The following CELF2 variants were observed in gnomAD, a reference collection of about 807,000 sequenced individuals.
The protein encoded by CELF2 is CUGBP Elav-like family member 2.
Under a neutral mutation model 62.6 loss-of-function variants are expected in CELF2, and 8 were observed. That is an observed-to-expected ratio of 0.13 (90% CI 0.07 to 0.23). CELF2 has a LOEUF of 0.23. CELF2 is among the 10% of genes least tolerant of loss of function. The pLI, the probability that CELF2 is intolerant of heterozygous loss-of-function variation, is 1.00. For missense variants in CELF2, 333 were observed against 671.0 expected (o/e 0.50, Z 5.56); for synonymous variants, 258 against 250.0 (o/e 1.03, Z -0.30).
At chr10:10,543,487 CA>C in the CELF2 span, among the ~76,000 whole-genome samples, 2 of 152,146 alleles carry the variant, frequency 1.3e-5, no homozygotes, top group African/African-American at 4.8e-5. Context: ...CCAGGAACAT[CA>C]CAGAGAAACT....
intron 2 of CELF2, among the ~76,000 whole-genome samples, chr10:10,978,842 A>C (rs1015915675): frequency 1.4e-4 from 21 of 152,332 alleles, no homozygotes; most frequent in African/African-American, 4.8e-4. Flanking sequence ...GAATACTAGG[A>C]AAATTAACAA....
chr10:11,185,392 A>C (rs988406854), intron 2 of CELF2, among the ~76,000 whole-genome samples: 1 of 152,028 alleles, frequency 6.6e-6, no homozygotes, highest in Non-Finnish European at 1.5e-5. Context: ...GATAAGTCTT[A>C]CTTGGTCATG....
intron 1 of CELF2, among the ~76,000 whole-genome samples, chr10:10,883,713 G>A (rs944274791): frequency 6.6e-6 from 1 of 152,176 alleles, no homozygotes; most frequent in Non-Finnish European, 1.5e-5. Flanking sequence ...CATCTCAAGG[G>A]TGGAAAGTTG....
At chr10:10,734,283 T>C in the CELF2 span, among the ~76,000 whole-genome samples, 3 of 152,176 alleles carry the variant, frequency 2.0e-5, no homozygotes, top group African/African-American at 7.2e-5. Flanking sequence ...ATATTGAGGA[T>C]TGTTGTTAAA....
the CELF2 span, among the ~76,000 whole-genome samples, chr10:10,774,676 G>A: frequency 2.0e-4 from 31 of 152,122 alleles, no homozygotes; most frequent in Non-Finnish European, 4.3e-4. Flanking sequence ...GAGGAAGCCT[G>A]AGCCAATTAA....
At chr10:11,262,926 T>TA (rs1191475633) in intron 5 of CELF2, among the ~76,000 whole-genome samples, 2 of 123,808 alleles carry the variant, frequency 1.6e-5, no homozygotes, top group African/African-American at 5.4e-5. Flanking sequence ...TTCATGCTTT[T>TA]AAAAGTGGCT....
the CELF2 span, among the ~76,000 whole-genome samples, chr10:10,746,797 T>C: frequency 1.3e-5 from 2 of 152,242 alleles, no homozygotes; most frequent in African/African-American, 2.4e-5. Context: ...TTTAAATATC[T>C]TGAATGTACC....
At chr10:10,819,301 G>A (rs932474329) in intron 1 of CELF2, among the ~76,000 whole-genome samples, 3 of 152,126 alleles carry the variant, frequency 2.0e-5, no homozygotes, top group Admixed American at 1.3e-4. Flanking sequence ...GATGTTGATC[G>A]AAAGGGAACC....
chr10:10,902,655 T>C (rs906945833), intron 1 of CELF2, among the ~76,000 whole-genome samples: 5 of 152,000 alleles, frequency 3.3e-5, no homozygotes, highest in African/African-American at 1.2e-4. Flanking sequence ...AGTTGTTAGG[T>C]TGATTTATTA....
chr10:11,178,441 T>C lies in CELF2; in HGVS notation c.271+12759T>C, dbSNP rs543426782. 3.3e-5 allele frequency among the ~76,000 whole-genome samples: 5 copies of C among 152,202 alleles called. No individual in the cohort carries two copies. The highest frequency in any genetic ancestry group is 7.3e-5 in the Non-Finnish European group (5 of 68,032). On this transcript the variant is annotated intron_variant, in intron 2 of 12. Transcript: ENST00000633077. This position sits in a 1 kb window ranked among gnomAD's most constrained non-coding sequence, Gnocchi z 4.3. ...GTGCTTCCGAGAGCCAAGGCTTTGC[T>C]CTAATCTCTGTGAAGGAAGAAAAAG...
chr10:10,830,129 T>C (rs182781425), intron 1 of CELF2, among the ~76,000 whole-genome samples: 1 of 152,138 alleles, frequency 6.6e-6, no homozygotes, highest in Non-Finnish European at 1.5e-5. Context: ...TGTTGAAAAG[T>C]TGTATAAGAC....
At chr10:10,564,202 C>CA in the CELF2 span, among the ~76,000 whole-genome samples, 1 of 152,196 alleles carries the variant, frequency 6.6e-6, no homozygotes, top group Non-Finnish European at 1.5e-5. Context: ...TCAGGCTCAT[C>CA]ACCAAGGATT....
intron 1 of CELF2, among the ~76,000 whole-genome samples, chr10:11,151,909 C>A (rs1381217354): frequency 6.6e-6 from 1 of 152,164 alleles, no homozygotes; most frequent in Non-Finnish European, 1.5e-5. Context: ...GAGAAGTAGC[C>A]CCCTCTCTGA....
the CELF2 span, among the ~76,000 whole-genome samples, chr10:10,697,365 C>T: frequency 6.6e-6 from 1 of 152,068 alleles, no homozygotes; most frequent in South Asian, 2.1e-4. Context: ...AAGGAGGGCC[C>T]CAGAAAACCC....
At chr10:10,851,910 C>T (rs905587745) in intron 1 of CELF2, among the ~76,000 whole-genome samples, 3 of 152,198 alleles carry the variant, frequency 2.0e-5, no homozygotes, top group African/African-American at 7.2e-5. Context: ...TGTTCCTGCA[C>T]ACCTATTACA....
upstream of CELF2, among the ~76,000 whole-genome samples, chr10:11,004,727 A>C (rs890584384): frequency 1.3e-5 from 2 of 152,178 alleles, no homozygotes; most frequent in Non-Finnish European, 2.9e-5. This position sits in a 1 kb window ranked among gnomAD's most constrained non-coding sequence, Gnocchi z 5.0. Flanking sequence ...GCACAGAGTT[A>C]AAATATTTCC....
the CELF2 span, among the ~76,000 whole-genome samples, chr10:10,689,033 G>C: frequency 6.6e-6 from 1 of 151,994 alleles, no homozygotes; most frequent in Non-Finnish European, 1.5e-5. Flanking sequence ...TTAAATTTAA[G>C]TTTTAAAGAA....
At chr10:11,095,425 A>G (rs770617099) in intron 1 of CELF2, among the ~76,000 whole-genome samples, 4 of 152,204 alleles carry the variant, frequency 2.6e-5, no homozygotes, top group Non-Finnish European at 5.9e-5. Flanking sequence ...GACTGTATGT[A>G]GCCGTCTCAG....
At chr10:10,879,333 C>T (rs191589739) in intron 1 of CELF2, among the ~76,000 whole-genome samples, 30 of 152,284 alleles carry the variant, frequency 2.0e-4, no homozygotes, top group African/African-American at 6.5e-4. Flanking sequence ...CTTAGTGCCA[C>T]GCACTGGCTA....
Sources: allele counts gnomAD v4.1 joint callset (sites outside exome capture counted in the v4.1 genomes callset), GRCh38; gene constraint gnomAD v4.1.1; non-coding constraint Gnocchi (gnomAD v3.1); transcripts MANE v1.5; gene names NCBI Gene and HGNC (gene_info 2026-07-23, HGNC 2026-07-21).